FRMD1: variants seen among roughly 807,000 people sequenced by gnomAD.
FRMD1 encodes FERM domain-containing protein 1.
FRMD1 carries 51 observed loss-of-function variants against 54.9 expected under a neutral mutation model. The ratio of observed to expected loss-of-function variants is 0.93; its 90% confidence interval spans 0.74 to 1.17. The LOEUF is 1.17. Among genes scored for constraint, FRMD1 ranks in the 50% most tolerant of loss-of-function variants. The pLI is 0.00. For missense variants in FRMD1, 729 were observed against 743.0 expected, an observed-to-expected ratio of 0.98 and a Z score of 0.22; for synonymous variants, 324 against 306.4, an observed-to-expected ratio of 1.06 and a Z score of -0.60.
intron 8 of FRMD1, 147 bp from the exon 9 acceptor site, chr6:168,061,204 C>T (rs1334159006): frequency 2.2e-5 from 17 of 769,912 alleles, no homozygotes; most frequent in East Asian, 1.4e-4. Context: ...TGCGGGTAAA[C>T]GCTGAGGCCA....
upstream of FRMD1, among the ~76,000 whole-genome samples, chr6:168,085,730 C>T (rs1800906637): frequency 6.7e-6 from 1 of 148,748 alleles, no homozygotes; most frequent in African/African-American, 2.5e-5. Flanking sequence ...TCCATGGCTC[C>T]CTATCGCCCA....
Position 168,059,852 on chromosome 6 carries a change from G to C in FRMD1, c.1343-664C>G, listed in dbSNP as rs1799623740. Among the ~76,000 whole-genome samples the C allele has an allele frequency of 6.6e-6, 1 of 152,094 alleles. No individual in the cohort carries two copies. The highest frequency in any genetic ancestry group is 2.1e-4 in the South Asian group (1 of 4,826). ...GGGCAGGGTGCATCCCTCAGGACAAGGTGCTGCGTCCTGGGCCAGGTGGAC... is the reference window on the plus strand; with the variant it reads ...GGGCAGGGTGCATCCCTCAGGACAACGTGCTGCGTCCTGGGCCAGGTGGAC... On this transcript the variant is annotated intron_variant, in intron 9 of 10. Coordinates refer to ENST00000283309, the MANE Select transcript of FRMD1 (RefSeq NM_024919.6). The surrounding 1 kb of genome is among the most constrained non-coding windows in gnomAD (Gnocchi z 4.4).
chr6:168,061,778 G>A (rs775594417), intron 8 of FRMD1, 29 bp downstream of exon 8: 27 of 1,531,224 alleles, frequency 1.8e-5, no homozygotes, highest in Middle Eastern at 2.3e-4. Flanking sequence ...GTCCGGCTGC[G>A]GAGCCCAGCA....
chr6:168,064,898 G>C lies in FRMD1; in HGVS notation c.621C>G (p.Phe207Leu), dbSNP rs766370593. The change falls in exon 5 of 11, where the codon TTC becomes TTG. Residue 207 changes from phenylalanine to leucine, a missense_variant. Coordinates refer to ENST00000283309, the MANE Select transcript of FRMD1 (RefSeq NM_024919.6). ...ACTGTGGGAAGTAGGAGTGTGGCTC[G>C]AAGTACCTCCCGGCATGGGCCGACT... is the stretch of plus-strand genomic sequence containing the variant. ...HRESAHAGRY[F>L]EPHSYFPQWI... 3 of 1,584,846 alleles carry C rather than the reference G, an allele frequency of 1.9e-6. No individual in the cohort carries two copies. Among genetic ancestry groups the C allele is most frequent in the Admixed American group, 1.8e-5 (1 of 55,442 alleles).
chr6:168,068,154 A>G, intron 2 of FRMD1, among the ~76,000 whole-genome samples: 1 of 152,198 alleles, frequency 6.6e-6, no homozygotes, highest in East Asian at 1.9e-4. Flanking sequence ...AGATGTCTAT[A>G]ATCTAGTACC....
At position 168,057,047 on chromosome 6, in the gene FRMD1, G is replaced by A; in HGVS notation, c.*50C>T. ...ACGAGGGCCATGTGGAAGTGGGGTG[G>A]GCAGGGGCTGAGCCTGGCGGTGCGG... On this transcript the variant is annotated 3_prime_UTR_variant, in exon 11 of 11. Transcript: ENST00000283309. 7.0e-7 allele frequency: 1 copy of A among 1,433,670 alleles called. No individual in the cohort carries two copies. Among genetic ancestry groups the A allele is most frequent in the Non-Finnish European group, 9.2e-7 (1 of 1,091,632 alleles). The allele number at this position is 1,433,670 out of a possible 1,614,324, so 88.8% of individuals were successfully genotyped here.
chr6:168,092,084 A>G (rs1379095552), intron 1 of FRMD1, among the ~76,000 whole-genome samples: 2 of 152,158 alleles, frequency 1.3e-5, no homozygotes, highest in Non-Finnish European at 2.9e-5. Context: ...TGTTGGCTCA[A>G]ATGTCATCTC....
chr6:168,072,168 G>A (rs1038345207), intron 2 of FRMD1, among the ~76,000 whole-genome samples: 56 of 152,034 alleles, frequency 3.7e-4, no homozygotes, highest in African/African-American at 1.1e-3. Context: ...AACCTGCCCC[G>A]CCTGGGTGAT....
At chr6:168,080,866 CGGGTGCTGGTGTGTGT>C (rs1562432847), upstream of FRMD1, among the ~76,000 whole-genome samples, 485 of 150,260 alleles carry the variant, frequency 3.2e-3, 6 homozygotes, top group African/African-American at 0.012. Flanking sequence ...CTGGTGTGTG[CGGGTGCTGGTGTGTGT>C]GGGCGCTGGT....
At chr6:168,071,046 T>C (rs1043840712) in intron 2 of FRMD1, among the ~76,000 whole-genome samples, 9 of 152,188 alleles carry the variant, frequency 5.9e-5, no homozygotes, top group Non-Finnish European at 2.9e-5. Context: ...ACTTCCCCAC[T>C]GTGCCCTGCT....
rs763784276 is a variant in FRMD1 at position 168,067,362 on chromosome 6, C to T, written c.384+5G>A. The T allele has an allele frequency of 2.5e-6, 4 of 1,585,294 alleles. No homozygotes were observed. The highest frequency in any genetic ancestry group is 3.4e-6 in the Non-Finnish European group (4 of 1,162,250). On this transcript the variant is annotated splice_donor_5th_base_variant and intron_variant, in intron 3 of 10. Transcript: ENST00000283309. The stretch of plus-strand genomic sequence containing the variant: ...GCCCTCTCCCACCCGACACTCTACA[C>T]TTACTTCATTTCTTTCTTTCTTCCA...
At chr6:168,065,384 C>T (rs1426047248) in intron 4 of FRMD1, 10 of 1,088,488 alleles carry the variant, frequency 9.2e-6, no homozygotes, top group Non-Finnish European at 1.1e-5. Flanking sequence ...AGAGCCCGGG[C>T]GACTCGAATC....
At chr6:168,085,991 G>C (rs1351629155), upstream of FRMD1, among the ~76,000 whole-genome samples, 1 of 152,258 alleles carries the variant, frequency 6.6e-6, no homozygotes, top group Admixed American at 6.5e-5. Flanking sequence ...GCGAAAAAGT[G>C]CAAAGAGTAG....
chr6:168,064,761 T>C, intron 5 of FRMD1, 110 bp downstream of exon 5: 1 of 1,464,250 alleles, frequency 6.8e-7, no homozygotes, highest in Non-Finnish European at 9.1e-7. Context: ...TGACCCTTGC[T>C]CCAGCAGCCC....
chr6:168,062,598 C>T, intron 7 of FRMD1: 1 of 1,436,714 alleles, frequency 7.0e-7, no homozygotes. Flanking sequence ...GCAGAATTGT[C>T]CAGAAAATGC....
chr6:168,068,110 C>T (rs1800136890), intron 2 of FRMD1, among the ~76,000 whole-genome samples: 1 of 152,024 alleles, frequency 6.6e-6, no homozygotes, highest in South Asian at 2.1e-4. Context: ...GTGACCCTGC[C>T]TCAAACAATC....
chr6:168,068,787 G>A (rs1800161528), intron 2 of FRMD1, among the ~76,000 whole-genome samples: 1 of 152,210 alleles, frequency 6.6e-6, no homozygotes, highest in African/African-American at 2.4e-5. Context: ...TACATATGAA[G>A]ATACTCCATC....
intron 10 of FRMD1, among the ~76,000 whole-genome samples, chr6:168,058,386 C>T (rs570280016): frequency 6.6e-6 from 1 of 150,836 alleles, no homozygotes; most frequent in East Asian, 2.0e-4. Flanking sequence ...CATCTGCCTC[C>T]CGTGCCCAGC....
At chr6:168,069,416 C>A (rs1197898821) in intron 2 of FRMD1, among the ~76,000 whole-genome samples, 1 of 152,210 alleles carries the variant, frequency 6.6e-6, no homozygotes, top group Non-Finnish European at 1.5e-5. Flanking sequence ...CCGGTCTAAG[C>A]AAATGCCGAG....
Sources: gnomAD v4.1 joint callset for allele counts (sites outside exome capture counted in the v4.1 genomes callset) on GRCh38, gnomAD v4.1.1 for gene constraint, Gnocchi (gnomAD v3.1) non-coding constraint, MANE v1.5 for transcripts, NCBI Gene and HGNC (gene_info 2026-07-23, HGNC 2026-07-21) for gene names.